PTPRN2: variants seen among roughly 807,000 people sequenced by gnomAD.
PTPRN2 encodes the protein receptor-type tyrosine-protein phosphatase N2.
Under a neutral mutation model 118.8 loss-of-function variants are expected in PTPRN2, and 74 were observed. The ratio of observed to expected loss-of-function variants is 0.62; its 90% CI spans 0.52 to 0.76. PTPRN2 has a LOEUF of 0.76. Ranked by LOEUF, PTPRN2 falls within the 30% of genes least tolerant of loss-of-function variation. The probability of loss-of-function intolerance (pLI) is 0.00; values close to 1 mark genes in which losing one functional copy is unlikely to be tolerated. For synonymous variants in PTPRN2, 641 were observed against 608.0 expected (o/e 1.05, Z -0.80); for missense variants, 1,481 against 1,394.4 (o/e 1.06, Z -0.99).
chr7:157,938,666 G>T (rs896107232), intron 11 of PTPRN2, among the ~76,000 whole-genome samples: 2 of 152,242 alleles, frequency 1.3e-5, no homozygotes, highest in Non-Finnish European at 2.9e-5. Context: ...ACGTGTTTAA[G>T]TTGCATTAAA....
Position 158,407,137 on chromosome 7 carries a change from C to T in PTPRN2, c.163+82598G>A, listed in dbSNP as rs866825917. On this transcript the variant is annotated intron_variant, in intron 2 of 22. Transcript: ENST00000389418. ...CCTGCGTCCTGGGTCCTGGGTCCTG[C>T]GTCCTGCGTCCTGGGTCCTGGGTCC... Among the ~76,000 whole-genome samples, 23 of 114,758 alleles carry T rather than the reference C, an allele frequency of 2.0e-4. 3 individuals carry two copies. The highest frequency in any genetic ancestry group is 9.2e-3 in the Middle Eastern group (2 of 218). The allele number at this position is 114,758 out of a possible 152,430, so 75.3% of individuals were successfully genotyped here.
intron 11 of PTPRN2, among the ~76,000 whole-genome samples, chr7:158,054,140 G>A (rs764315593): frequency 3.3e-5 from 5 of 151,794 alleles, no homozygotes; most frequent in Non-Finnish European, 7.4e-5. Flanking sequence ...AGAGAGCATG[G>A]GGGCCCTAGA....
At position 158,192,498 on chromosome 7, in the gene PTPRN2, G is replaced by A. The variant is rs1825854685; in HGVS notation, c.381-3C>T. The A allele has an allele frequency of 1.3e-6, 2 of 1,577,554 alleles. No homozygotes were observed. Among genetic ancestry groups the A allele is most frequent in the African/African-American group, 2.8e-5 (2 of 72,248 alleles). Reference sequence around the variant, plus strand: ...TGCCAACGCTGTGTTTTGAGGGCCTGAAAAAGCAAAAGAAACCAGACATCA... The same window carrying A: ...TGCCAACGCTGTGTTTTGAGGGCCTAAAAAAGCAAAAGAAACCAGACATCA... On this transcript the variant is annotated splice_polypyrimidine_tract_variant and splice_region_variant and intron_variant, in intron 4 of 22. Transcript: ENST00000389418.
At position 157,881,787 on chromosome 7, in the gene PTPRN2, C is replaced by G. The variant is rs1270718578; in HGVS notation, c.1788+16886G>C. ...TGGCACTTCAGTAAAAGGGTTTGCA[C>G]ACACACAACCCTAATTAGACTTTTA... On this transcript the variant is annotated intron_variant, in intron 12 of 22. Transcript: ENST00000389418. The surrounding 1 kb of genome is among the most constrained non-coding windows in gnomAD (Gnocchi z 4.7). Among the ~76,000 whole-genome samples the G allele has an allele frequency of 1.3e-5, 2 of 151,460 alleles. No homozygotes were observed. The highest frequency in any genetic ancestry group is 2.9e-5 in the Non-Finnish European group (2 of 67,898).
intron 12 of PTPRN2, among the ~76,000 whole-genome samples, chr7:157,773,749 C>T (rs963855082): frequency 6.6e-6 from 1 of 152,212 alleles, no homozygotes; most frequent in Non-Finnish European, 1.5e-5. Context: ...TCCCGAACCT[C>T]AGCCCCCAGG....
chr7:157,566,372 A>G (rs915460628), intron 21 of PTPRN2, among the ~76,000 whole-genome samples: 2 of 152,230 alleles, frequency 1.3e-5, no homozygotes, highest in Admixed American at 6.5e-5. Context: ...CAGGCCAGAC[A>G]AAGACGCCCC....
chr7:158,456,875 A>G (rs1292994358), intron 2 of PTPRN2, among the ~76,000 whole-genome samples: 1 of 152,126 alleles, frequency 6.6e-6, no homozygotes, highest in East Asian at 1.9e-4. Context: ...CCTGGGCTCA[A>G]TGATTCCCCC....
chr7:158,557,419 G>A (rs145106149), intron 1 of PTPRN2, among the ~76,000 whole-genome samples: 1 of 152,274 alleles, frequency 6.6e-6, no homozygotes, highest in Non-Finnish European at 1.5e-5. Context: ...CAGCTCCCGT[G>A]CAGGTTAGAC....
intron 12 of PTPRN2, among the ~76,000 whole-genome samples, chr7:157,804,890 C>G (rs1805530590): frequency 6.6e-6 from 1 of 152,214 alleles, no homozygotes; most frequent in African/African-American, 2.4e-5. Context: ...GTTTTATCCA[C>G]TGTGTGTGGA....
intron 2 of PTPRN2, among the ~76,000 whole-genome samples, chr7:158,345,433 A>G (rs150112630): frequency 3.9e-5 from 6 of 152,176 alleles, no homozygotes; most frequent in African/African-American, 1.4e-4. Context: ...GAGGCTCAGG[A>G]GGACTTGTAT....
chr7:158,181,967 G>A (rs924364614), intron 5 of PTPRN2, among the ~76,000 whole-genome samples: 2 of 152,000 alleles, frequency 1.3e-5, no homozygotes, highest in African/African-American at 4.8e-5. Context: ...GGTTTAGTTT[G>A]TTCATATTTC....
rs1383734534 is a variant in PTPRN2, at chr7:157,627,464, G to A, written c.2197-5955C>T. ...AATCTCAGTCGATGCAGGCTGAAGT[G>A]CTTAGGGAAGTTGGAGTTGCTGTCT... On this transcript the variant is annotated intron_variant, in intron 14 of 22. Coordinates refer to ENST00000389418, the MANE Select transcript of PTPRN2 (RefSeq NM_002847.5). The surrounding 1 kb of genome is among the most constrained non-coding windows in gnomAD (Gnocchi z 4.2). Among the ~76,000 whole-genome samples, 1 of 152,216 alleles carries A rather than the reference G, an allele frequency of 6.6e-6. No individual in the cohort carries two copies. The highest frequency in any genetic ancestry group is 2.4e-5 in the African/African-American group (1 of 41,464).
chr7:157,939,421 G>C (rs1018802305), intron 11 of PTPRN2, among the ~76,000 whole-genome samples: 7 of 152,246 alleles, frequency 4.6e-5, no homozygotes, highest in Non-Finnish European at 8.8e-5. Flanking sequence ...CTAGAGACCA[G>C]GCCTCTGGCT....
At chr7:158,164,441 C>T (rs1822724392) in intron 6 of PTPRN2, among the ~76,000 whole-genome samples, 1 of 132,004 alleles carries the variant, frequency 7.6e-6, no homozygotes, top group African/African-American at 2.8e-5. Context: ...CAGGAGGGTG[C>T]GTAGGAAGGA....
chr7:157,565,129 G>C (rs1429925247), intron 21 of PTPRN2, among the ~76,000 whole-genome samples: 1 of 152,212 alleles, frequency 6.6e-6, no homozygotes, highest in Admixed American at 6.5e-5. Flanking sequence ...AAAGAAGAAC[G>C]GAAGTGATCC....
chr7:158,006,719 G>A (rs1805655595), intron 11 of PTPRN2, among the ~76,000 whole-genome samples: 1 of 152,218 alleles, frequency 6.6e-6, no homozygotes, highest in African/African-American at 2.4e-5. Context: ...CTCAGAGGAA[G>A]GTAGGCCCAG....
intron 3 of PTPRN2, among the ~76,000 whole-genome samples, chr7:158,207,343 C>G (rs1827237512): frequency 1.3e-5 from 2 of 151,598 alleles, no homozygotes; most frequent in Non-Finnish European, 2.9e-5. Context: ...ATGGCTGGGT[C>G]AAATGGTATT....
intron 2 of PTPRN2, among the ~76,000 whole-genome samples, chr7:158,356,065 C>T (rs1446995927): frequency 1.3e-5 from 2 of 152,176 alleles, no homozygotes; most frequent in Non-Finnish European, 2.9e-5. Context: ...TTTTCACACA[C>T]ATATAAATCA....
intron 3 of PTPRN2, among the ~76,000 whole-genome samples, chr7:158,272,883 T>C (rs1168621802): frequency 6.6e-6 from 1 of 152,148 alleles, no homozygotes; most frequent in African/African-American, 2.4e-5. Flanking sequence ...CTACAGTCAA[T>C]AGCTGATGGG....
Sources: gnomAD v4.1 joint callset for allele counts (sites outside exome capture counted in the v4.1 genomes callset) on GRCh38, gnomAD v4.1.1 for gene constraint, Gnocchi (gnomAD v3.1) non-coding constraint, MANE v1.5 for transcripts, NCBI Gene and HGNC (gene_info 2026-07-23, HGNC 2026-07-21) for gene names.